MAP2K5: variants seen among roughly 807,000 people sequenced by gnomAD.
MAP2K5 encodes mitogen-activated protein kinase kinase 5, also known as dual specificity mitogen-activated protein kinase kinase 5.
Under a neutral mutation model 83.1 loss-of-function variants are expected in MAP2K5, and 49 were observed. That is an observed-to-expected ratio of 0.59 (90% CI 0.47 to 0.75). MAP2K5 has a LOEUF of 0.75. Among genes scored for constraint, MAP2K5 ranks in the 30% least tolerant of loss-of-function variants. MAP2K5 has a pLI of 0.00. For missense variants in MAP2K5, 457 were observed against 557.5 expected, an observed-to-expected ratio of 0.82 and a Z score of 1.82; for synonymous variants, 202 against 191.8, an observed-to-expected ratio of 1.05 and a Z score of -0.44.
Position 67,567,151 on chromosome 15 carries a change from A to G in MAP2K5, c.252+3801A>G, listed in dbSNP as rs142789671. Among the ~76,000 whole-genome samples, 732 of 152,370 alleles carry G rather than the reference A, an allele frequency of 4.8e-3. 1 individual carries two copies. The highest frequency in any genetic ancestry group is 7.3e-3 in the Non-Finnish European group (494 of 68,036). ...AAAGTAATTTGGTCTCCAAGGAGAT[A>G]TTTAATGTATTGAAAGAATTCAGCA... On this transcript the variant is annotated intron_variant, in intron 3 of 21. Coordinates refer to ENST00000178640, the MANE Select transcript of MAP2K5 (RefSeq NM_145160.3).
chr15:67,680,556 G>A (rs1455184066), intron 13 of MAP2K5, among the ~76,000 whole-genome samples: 1 of 152,170 alleles, frequency 6.6e-6, no homozygotes, highest in African/African-American at 2.4e-5. Flanking sequence ...ACACTTTGAG[G>A]CTGATTTTTA....
At chr15:67,544,733 G>T (rs2084359318) in intron 1 of MAP2K5, among the ~76,000 whole-genome samples, 1 of 152,148 alleles carries the variant, frequency 6.6e-6, no homozygotes, top group South Asian at 2.1e-4. Flanking sequence ...CAGGATCTTG[G>T]GAAGAGGAAG....
At chr15:67,627,767 AG>A (rs917760003) in intron 8 of MAP2K5, 7 of 329,752 alleles carry the variant, frequency 2.1e-5, no homozygotes, top group Non-Finnish European at 3.9e-5. Context: ...ATCTCAATAA[AG>A]CTGTTAAAAA....
At chr15:67,796,934 G>T (rs1209752109) in intron 21 of MAP2K5, among the ~76,000 whole-genome samples, 1 of 152,180 alleles carries the variant, frequency 6.6e-6, no homozygotes, top group Non-Finnish European at 1.5e-5. Context: ...TTTAAGGACA[G>T]AATTTCTAGG....
At chr15:67,621,901 TG>T (rs1329530268) in intron 8 of MAP2K5, among the ~76,000 whole-genome samples, 1 of 152,118 alleles carries the variant, frequency 6.6e-6, no homozygotes, top group Non-Finnish European at 1.5e-5. Context: ...ATAAAGAAAG[TG>T]GCCGGGTGCG....
In MAP2K5 at chr15:67,611,877, T is replaced by C. The variant is rs17242046; in HGVS notation, c.545+11128T>C. Among the ~76,000 whole-genome samples the C allele has an allele frequency of 8.0e-3, 1,220 of 152,300 alleles. 41 individuals carry two copies. Among genetic ancestry groups the C allele is most frequent in the Admixed American group, 0.062 (950 of 15,292 alleles). On this transcript the variant is annotated intron_variant, in intron 8 of 21. Coordinates refer to ENST00000178640, the MANE Select transcript of MAP2K5 (RefSeq NM_145160.3). ...AGATATACTTCAGCTGTACTTTGAATTTTTATTTTGTGCACCAGGCACATG... is the reference window on the plus strand; with the variant it reads ...AGATATACTTCAGCTGTACTTTGAACTTTTATTTTGTGCACCAGGCACATG...
At chr15:67,546,512 T>G in intron 1 of MAP2K5, 3 of 847,992 alleles carry the variant, frequency 3.5e-6, no homozygotes, top group Non-Finnish European at 4.3e-6. Flanking sequence ...AGTCAGTCGG[T>G]CTCTCTGGGC....
intron 2 of MAP2K5, among the ~76,000 whole-genome samples, chr15:67,551,919 A>G (rs1281312678): frequency 6.6e-6 from 1 of 152,226 alleles, no homozygotes; most frequent in African/African-American, 2.4e-5. Context: ...GAATAAACAA[A>G]TAATGCATAT....
At position 67,790,095 on chromosome 15, in the gene MAP2K5, A is replaced by G. The variant is rs1026977138; in HGVS notation, c.1243-16551A>G. ...TTCTTTTCCCTTTGTTTGGTTGTGT[A>G]TCTTTCTTCCACTCTTAAAAAAGCA... On this transcript the variant is annotated intron_variant, in intron 21 of 21. Coordinates refer to ENST00000178640, the MANE Select transcript of MAP2K5 (RefSeq NM_145160.3). The surrounding 1 kb of genome is among the most constrained non-coding windows in gnomAD (Gnocchi z 4.6). Among the ~76,000 whole-genome samples, 3 of 149,812 alleles carry G rather than the reference A, an allele frequency of 2.0e-5. No homozygotes were observed. Among genetic ancestry groups the G allele is most frequent in the African/African-American group, 7.3e-5 (3 of 40,952 alleles).
chr15:67,793,233 T>A lies in MAP2K5; in HGVS notation c.1243-13413T>A, dbSNP rs2090548237. On this transcript the variant is annotated intron_variant, in intron 21 of 21. Transcript: ENST00000178640. This position sits in a 1 kb window ranked among gnomAD's most constrained non-coding sequence, Gnocchi z 4.6. ...GTGTAGTGCGGAATGATTGTGCTTG[T>A]GAATAGCCACTGTGCTCCAGTCAGG... Among the ~76,000 whole-genome samples the A allele has an allele frequency of 6.6e-6, 1 of 152,124 alleles. No individual in the cohort carries two copies. Among genetic ancestry groups the A allele is most frequent in the South Asian group, 2.1e-4 (1 of 4,830 alleles).
intron 8 of MAP2K5, among the ~76,000 whole-genome samples, chr15:67,626,872 C>T (rs2086337817): frequency 6.6e-6 from 1 of 152,110 alleles, no homozygotes; most frequent in Admixed American, 6.5e-5. Context: ...CAGTGCACTC[C>T]AGCCTGGGAG....
Position 67,722,443 on chromosome 15 carries a change from G to A in MAP2K5, c.1045-5473G>A, listed in dbSNP as rs1219417203. On this transcript the variant is annotated intron_variant, in intron 16 of 21. Coordinates refer to ENST00000178640, the MANE Select transcript of MAP2K5 (RefSeq NM_145160.3). This position sits in a 1 kb window ranked among gnomAD's most constrained non-coding sequence, Gnocchi z 4.2. ...GCTTTGTGTTTCTGTGTTCTTTGTT[G>A]TCAGTTTAACCTCCAAAGCACTTTA... is the stretch of plus-strand genomic sequence containing the variant. 1.4e-5 allele frequency among the ~76,000 whole-genome samples: 2 copies of A among 147,954 alleles called. No homozygotes were observed. Among genetic ancestry groups the A allele is most frequent in the Non-Finnish European group, 3.0e-5 (2 of 67,036 alleles).
At position 67,738,486 on chromosome 15, in the gene MAP2K5, A is replaced by G. The variant is rs191098072; in HGVS notation, c.1075-9745A>G. ...GACACACCCGACAAGTGACAAATTA[A>G]GTCACTGACAGTATATGATTTCTAC... On this transcript the variant is annotated intron_variant, in intron 17 of 21. Transcript: ENST00000178640. The surrounding 1 kb of genome is among the most constrained non-coding windows in gnomAD (Gnocchi z 4.1). Among the ~76,000 whole-genome samples the G allele has an allele frequency of 1.3e-5, 2 of 152,344 alleles. No homozygotes were observed. Among genetic ancestry groups the G allele is most frequent in the Non-Finnish European group, 2.9e-5 (2 of 68,030 alleles).
At chr15:67,627,102 C>T (rs1031408471) in intron 8 of MAP2K5, among the ~76,000 whole-genome samples, 3 of 151,924 alleles carry the variant, frequency 2.0e-5, no homozygotes, top group African/African-American at 7.3e-5. Context: ...GCACGCACCA[C>T]GATGCCAGGT....
intron 2 of MAP2K5, among the ~76,000 whole-genome samples, chr15:67,551,884 G>A (rs534492636): frequency 3.4e-5 from 5 of 147,818 alleles, no homozygotes; most frequent in South Asian, 4.2e-4. Context: ...ACATTTGTAC[G>A]GAAAGATATC....
chr15:67,575,169 CA>C (rs1313268056), intron 3 of MAP2K5, among the ~76,000 whole-genome samples: 1 of 152,180 alleles, frequency 6.6e-6, no homozygotes, highest in African/African-American at 2.4e-5. Flanking sequence ...TGTGATTCAT[CA>C]GCTCCTAATT....
chr15:67,560,383 T>C (rs900766181), intron 2 of MAP2K5, among the ~76,000 whole-genome samples: 5 of 152,324 alleles, frequency 3.3e-5, no homozygotes, highest in African/African-American at 1.2e-4. Flanking sequence ...AGCATAGATA[T>C]TAAAGAGCAA....
chr15:67,607,098 C>G (rs1206281128), intron 8 of MAP2K5, among the ~76,000 whole-genome samples: 1 of 152,124 alleles, frequency 6.6e-6, no homozygotes, highest in Non-Finnish European at 1.5e-5. Context: ...TAAAATTGAC[C>G]TGAGAGCTAG....
At chr15:67,601,535 A>G (rs530975353) in intron 8 of MAP2K5, among the ~76,000 whole-genome samples, 26 of 152,346 alleles carry the variant, frequency 1.7e-4, no homozygotes, top group African/African-American at 5.3e-4. Flanking sequence ...TTTTCCATGT[A>G]TACACTAATC....
Sources: gnomAD v4.1 joint callset for allele counts (sites outside exome capture counted in the v4.1 genomes callset) on GRCh38, gnomAD v4.1.1 for gene constraint, Gnocchi (gnomAD v3.1) non-coding constraint, MANE v1.5 for transcripts, NCBI Gene and HGNC (gene_info 2026-07-23, HGNC 2026-07-21) for gene names.